Variants in C5orf34 observed in about 807,000 individuals in gnomAD.
C5orf34 encodes the protein chromosome 5 open reading frame 34.
C5orf34 carries 73 observed loss-of-function variants against 78.4 expected under a neutral mutation model. The ratio of observed to expected loss-of-function variants is 0.93; its 90% CI spans 0.77 to 1.13. C5orf34 has a LOEUF of 1.13. Ranked by LOEUF, C5orf34 falls within the 50% of genes most tolerant of loss-of-function variation. C5orf34 has a pLI of 0.00. For missense variants in C5orf34, 730 were observed against 732.7 expected (o/e 1.00, Z 0.04); for synonymous variants, 251 against 246.6 (o/e 1.02, Z -0.17).
chr5:43,513,443 G>A (rs761847630), intron 1 of C5orf34, among the ~76,000 whole-genome samples: 2 of 152,276 alleles, frequency 1.3e-5, no homozygotes, highest in Non-Finnish European at 2.9e-5. Context: ...TCTGCATACA[G>A]TAGTGCCCAG....
chr5:43,490,576 AT>A (rs1441110178), intron 11 of C5orf34, 54 bp downstream of exon 11: 17 of 1,176,492 alleles, frequency 1.4e-5, no homozygotes, highest in Admixed American at 5.8e-5. Context: ...TGACATTTTA[AT>A]TTTTTTTAAA....
intron 7 of C5orf34, among the ~76,000 whole-genome samples, chr5:43,493,820 G>C (rs34007811): frequency 0.39 from 59,115 of 151,872 alleles, 14,180 homozygotes; most frequent in East Asian, 0.78. Flanking sequence ...CCTACTTAAG[G>C]CTATTCCTTT....
chr5:43,496,267 A>G, intron 6 of C5orf34: 1 of 1,585,110 alleles, frequency 6.3e-7, no homozygotes, highest in South Asian at 1.1e-5. Flanking sequence ...CTCAGCTTTC[A>G]GTTTATGCAA....
rs375259598 is a variant in C5orf34, at chr5:43,510,585, C to T, written c.-36-1210G>A. ...CCTGCCCAGTGCCTGTGATTGCAGG[C>T]GCGCGCTGCCACGCCTGACTGGTTT... On this transcript the variant is annotated intron_variant, in intron 1 of 12. Coordinates refer to ENST00000306862, the MANE Select transcript of C5orf34 (RefSeq NM_198566.4). 3.1e-4 allele frequency among the ~76,000 whole-genome samples: 47 copies of T among 152,336 alleles called. No homozygotes were observed. In the East Asian group the frequency reaches 4.4e-3, roughly 14 times the overall value.
chr5:43,495,898 T>C (rs1338300941), intron 6 of C5orf34: 7 of 1,592,626 alleles, frequency 4.4e-6, no homozygotes, highest in South Asian at 1.1e-5. Flanking sequence ...CAAATGCTAC[T>C]GTGTCAGGGT....
intron 3 of C5orf34, among the ~76,000 whole-genome samples, chr5:43,507,346 C>T (rs1746027015): frequency 6.6e-6 from 1 of 152,128 alleles, no homozygotes; most frequent in South Asian, 2.1e-4. Context: ...AGAAAGCTTC[C>T]TAAATTTACC....
intron 1 of C5orf34, among the ~76,000 whole-genome samples, chr5:43,511,957 C>T (rs890050614): frequency 1.3e-5 from 2 of 151,692 alleles, no homozygotes; most frequent in Non-Finnish European, 2.9e-5. Flanking sequence ...ATCTGCTGAC[C>T]TTCCCTCCAC....
At position 43,506,150 on chromosome 5, in the gene C5orf34, G is replaced by C; in HGVS notation, c.530C>G (p.Thr177Ser). The C allele has an allele frequency of 6.2e-7, 1 of 1,614,136 alleles. No homozygotes were observed. Among genetic ancestry groups the C allele is most frequent in the Non-Finnish European group, 8.5e-7 (1 of 1,180,010 alleles). ...ATTTCCACGTATACAGATTTTGCCA[G>C]TTTTTTCAACTAGTTTATCTTTTGG... is the stretch of plus-strand genomic sequence containing the variant. ...KAPKDKLVEK[T>S]GKICIRGNLP... Residue 177 changes from threonine (T) to serine (S), a missense_variant, in exon 4 of 13, where the codon ACT becomes AGT. Transcript: ENST00000306862.
rs1405011913 is a variant in C5orf34, at chr5:43,487,126, TAAG to T, written c.1721-18_1721-16del. 2 of 1,369,882 alleles carry T rather than the reference TAAG, an allele frequency of 1.5e-6. No homozygotes were observed. Among genetic ancestry groups the T allele is most frequent in the Admixed American group, 2.6e-5 (1 of 39,004 alleles). The allele number at this position is 1,369,882 out of a possible 1,614,324, so 84.9% of individuals were successfully genotyped here. On this transcript the variant is annotated splice_polypyrimidine_tract_variant and intron_variant, in intron 12 of 12. Transcript: ENST00000306862. ...TTCTAGTAGCACTAAGTTGCTTAGT[TAAG>T]GAGGTTTTCCCCACATTTTTCACTA...
At position 43,503,772 on chromosome 5, in the gene C5orf34, A is replaced by G; in HGVS notation, c.933-12T>C. ...CACAAAAATTCCACCTGTGAAGGAT[A>G]AAATACAAGCTATTACTTCTGGTTG... On this transcript the variant is annotated splice_polypyrimidine_tract_variant and intron_variant, in intron 4 of 12. Coordinates refer to ENST00000306862, the MANE Select transcript of C5orf34 (RefSeq NM_198566.4). 6.4e-7 allele frequency: 1 copy of G among 1,551,208 alleles called. No homozygotes were observed. Among genetic ancestry groups the G allele is most frequent in the Non-Finnish European group, 8.9e-7 (1 of 1,122,940 alleles).
intron 6 of C5orf34, chr5:43,495,463 G>T: frequency 6.2e-7 from 1 of 1,609,530 alleles, no homozygotes; most frequent in South Asian, 1.1e-5. Context: ...CCATTGGTGG[G>T]TCATTTTTGC....
chr5:43,507,351 T>G (rs941071618), intron 3 of C5orf34, among the ~76,000 whole-genome samples: 2 of 152,198 alleles, frequency 1.3e-5, no homozygotes, highest in African/African-American at 4.8e-5. Context: ...GCTTCCTAAA[T>G]TTACCATGCT....
chr5:43,496,318 G>A (rs1357403958), intron 6 of C5orf34: 1 of 1,584,010 alleles, frequency 6.3e-7, no homozygotes, highest in African/African-American at 1.3e-5. Flanking sequence ...CATCTCAGCA[G>A]CCTCCTTCTC....
intron 7 of C5orf34, 101 bp downstream of exon 7, chr5:43,494,409 C>A: frequency 1.5e-6 from 1 of 668,334 alleles, no homozygotes; most frequent in Non-Finnish European, 2.4e-6. Context: ...CATATATTTC[C>A]ATTGTACCTG....
chr5:43,491,058 G>A (rs1020535978), intron 10 of C5orf34, among the ~76,000 whole-genome samples: 8 of 151,998 alleles, frequency 5.3e-5, no homozygotes, highest in East Asian at 1.9e-4. Context: ...AGTAAAATGC[G>A]TTTAAGTTTT....
At chr5:43,503,516 G>A (rs944381631) in intron 5 of C5orf34, 149 bp downstream of exon 5, 24 of 709,574 alleles carry the variant, frequency 3.4e-5, no homozygotes, top group Middle Eastern at 2.5e-4. Flanking sequence ...TTTGAGACCT[G>A]TAAAACTCAG....
chr5:43,509,827 C>T (rs1004550611), intron 1 of C5orf34, among the ~76,000 whole-genome samples: 1 of 150,464 alleles, frequency 6.6e-6, no homozygotes, highest in Non-Finnish European at 1.5e-5. Context: ...GTGATCTCGG[C>T]TCACTGTAAC....
chr5:43,490,539 T>G (rs1745237014), intron 11 of C5orf34, 92 bp downstream of exon 11: 3 of 774,386 alleles, frequency 3.9e-6, no homozygotes, highest in Non-Finnish European at 6.4e-6. Flanking sequence ...AAAGTTTTTT[T>G]GGGGAAAAAA....
At chr5:43,512,107 T>C (rs1202541838) in intron 1 of C5orf34, among the ~76,000 whole-genome samples, 2 of 151,624 alleles carry the variant, frequency 1.3e-5, no homozygotes, top group Non-Finnish European at 2.9e-5. Context: ...AGGTTGTTCC[T>C]CATTTGTAAA....
Sources: allele counts gnomAD v4.1 joint callset (sites outside exome capture counted in the v4.1 genomes callset), GRCh38; gene constraint gnomAD v4.1.1; transcripts MANE v1.5; gene names NCBI Gene and HGNC (gene_info 2026-07-23, HGNC 2026-07-21).